The following AOX1 variants were observed in gnomAD, a reference collection of about 807,000 sequenced individuals.
The protein encoded by AOX1 is aldehyde oxidase.
In AOX1, 153 loss-of-function variants were observed where a neutral mutation model predicts 169.5. The ratio of observed to expected loss-of-function variants is 0.90; its 90% CI spans 0.79 to 1.03. The LOEUF is 1.03. Ranked by LOEUF, AOX1 falls within the 50% of genes least tolerant of loss-of-function variation. The pLI, the probability that AOX1 is intolerant of heterozygous loss-of-function variation, is 0.00. For missense variants in AOX1, 1,656 were observed against 1,663.9 expected, an observed-to-expected ratio of 1.00 and a Z score of 0.08; for synonymous variants, 562 against 581.9, an observed-to-expected ratio of 0.97 and a Z score of 0.49.
chr2:200,633,488 C>A (rs1306858576), intron 20 of AOX1, among the ~76,000 whole-genome samples: 1 of 151,926 alleles, frequency 6.6e-6, no homozygotes, highest in Non-Finnish European at 1.5e-5. Context: ...TGTTGCTGAG[C>A]CCATCCCTTG....
downstream of AOX1, among the ~76,000 whole-genome samples, chr2:200,674,075 A>G (rs192071851): frequency 4.6e-5 from 7 of 152,366 alleles, no homozygotes; most frequent in African/African-American, 1.7e-4. Context: ...GGGAGGAACA[A>G]GCCAGCAGCA....
At chr2:200,609,831 G>C (rs576880546) in intron 12 of AOX1, among the ~76,000 whole-genome samples, 8 of 152,230 alleles carry the variant, frequency 5.3e-5, no homozygotes, top group Admixed American at 1.3e-4. Context: ...GAAACATACA[G>C]GTCTTTTTCA....
At chr2:200,595,443 A>G in intron 3 of AOX1, 75 bp downstream of exon 3, 1 of 1,056,360 alleles carries the variant, frequency 9.5e-7, no homozygotes, top group Non-Finnish European at 1.4e-6. Context: ...CATTTGGTAA[A>G]TATATATTGA....
At chr2:200,659,825 C>CAT (rs1196876810) in intron 28 of AOX1, among the ~76,000 whole-genome samples, 170 bp from the exon 29 acceptor site, 1 of 146,926 alleles carries the variant, frequency 6.8e-6, no homozygotes, top group Non-Finnish European at 1.5e-5. Flanking sequence ...CACACACACA[C>CAT]GTGCACACAC....
rs2034083038 is a variant in AOX1, at chr2:200,588,404, C to CTTA, written c.45+2251_45+2252insTTA. On this transcript the variant is annotated intron_variant, in intron 1 of 34. Coordinates refer to ENST00000374700, the MANE Select transcript of AOX1 (RefSeq NM_001159.4). The stretch of plus-strand genomic sequence containing the variant: ...GAAGAAACAGGGATTGTGAGTCTAA[C>CTTA]ATCTCCTCGCTTCTCCTTCCCCCAC... The CTTA allele has an allele frequency of 2.6e-5, 4 of 152,360 alleles. No homozygotes were observed. In the South Asian group the frequency reaches 8.3e-4, roughly 32 times the overall value. 9.4% of individuals were successfully genotyped at this position (152,360 alleles called of 1,614,324 possible).
At chr2:200,610,743 A>G (rs893564002) in intron 12 of AOX1, among the ~76,000 whole-genome samples, 16 of 152,162 alleles carry the variant, frequency 1.1e-4, no homozygotes, top group Non-Finnish European at 1.0e-4. Context: ...CCTACTTGTA[A>G]AGTTTTAAGT....
downstream of AOX1, among the ~76,000 whole-genome samples, chr2:200,677,732 C>T (rs773894489): frequency 1.3e-5 from 2 of 152,198 alleles, no homozygotes; most frequent in African/African-American, 2.4e-5. Context: ...TTAGCTAAGG[C>T]ATCATCTATG....
At chr2:200,599,433 C>G (rs2034355814) in intron 4 of AOX1, among the ~76,000 whole-genome samples, 187 bp from the exon 5 acceptor site, 1 of 152,158 alleles carries the variant, frequency 6.6e-6, no homozygotes, top group Non-Finnish European at 1.5e-5. Context: ...GCAGATAAGG[C>G]CCAACCTCAC....
At chr2:200,669,416 T>G (rs900645518) in intron 33 of AOX1, among the ~76,000 whole-genome samples, 159 bp from the exon 34 acceptor site, 1 of 151,510 alleles carries the variant, frequency 6.6e-6, no homozygotes. Context: ...TACACTCCAG[T>G]GTCATGCTTG....
chr2:200,601,370 T>A (rs1291702865), intron 5 of AOX1, among the ~76,000 whole-genome samples: 1 of 152,106 alleles, frequency 6.6e-6, no homozygotes, highest in Non-Finnish European at 1.5e-5. Context: ...AAGGAGTAAG[T>A]CCTAGAGATA....
chr2:200,598,480 C>T (rs1348095487), intron 4 of AOX1, among the ~76,000 whole-genome samples: 1 of 152,070 alleles, frequency 6.6e-6, no homozygotes, highest in Non-Finnish European at 1.5e-5. Context: ...CGTGGTAGCT[C>T]ATACCTATAA....
chr2:200,671,354 A>G lies in AOX1; in HGVS notation c.*675A>G, dbSNP rs1188699331. On this transcript the variant is annotated 3_prime_UTR_variant, in exon 35 of 35. Transcript: ENST00000374700. ...AAAGGCAAGTAATTTAAAAATAGGC[A>G]AAAGAATTGCTGGATGGTATGGTAG... is the stretch of plus-strand genomic sequence containing the variant. 1 of 152,214 alleles carries G rather than the reference A, an allele frequency of 6.6e-6. No individual in the cohort carries two copies. The highest frequency in any genetic ancestry group is 6.5e-5 in the Admixed American group (1 of 15,282). The allele number at this position is 152,214 out of a possible 1,614,324, so 9.4% of individuals were successfully genotyped here.
intron 16 of AOX1, among the ~76,000 whole-genome samples, chr2:200,620,198 A>AGTTTTTTTTTTTTTTT (rs370920216): frequency 8.3e-6 from 1 of 120,912 alleles, no homozygotes; most frequent in Non-Finnish European, 1.7e-5. Context: ...ATTAATAGTG[A>AGTTTTTTTTTTTTTTT]CTTTTTTTTT....
intron 17 of AOX1, 116 bp from the exon 18 acceptor site, chr2:200,621,004 A>AT: frequency 7.2e-7 from 1 of 1,392,868 alleles, no homozygotes; most frequent in South Asian, 1.4e-5. Context: ...TTTTTTCCCA[A>AT]TTGTCTGGCA....
At chr2:200,619,428 G>A (rs2105720192) in intron 16 of AOX1, among the ~76,000 whole-genome samples, 1 of 152,284 alleles carries the variant, frequency 6.6e-6, no homozygotes, top group East Asian at 1.9e-4. Context: ...CCAGTACCGA[G>A]TGCAATGTTG....
downstream of AOX1, among the ~76,000 whole-genome samples, chr2:200,676,294 T>C (rs557119774): frequency 6.6e-6 from 1 of 152,224 alleles, no homozygotes; most frequent in African/African-American, 2.4e-5. Flanking sequence ...AGCTTCGTGT[T>C]GCTGCTTTAA....
chr2:200,587,732 T>A (rs903867891), intron 1 of AOX1, among the ~76,000 whole-genome samples: 1 of 152,226 alleles, frequency 6.6e-6, no homozygotes, highest in African/African-American at 2.4e-5. Context: ...ATGTCATTTT[T>A]TTCTTCTTTT....
chr2:200,592,802 C>T (rs569297208), intron 1 of AOX1, among the ~76,000 whole-genome samples: 2 of 152,270 alleles, frequency 1.3e-5, no homozygotes, highest in South Asian at 4.1e-4. Context: ...TCATCCACTC[C>T]TCCCCCAAGT....
chr2:200,668,110 AT>A (rs201768945), intron 32 of AOX1, among the ~76,000 whole-genome samples: 15,322 of 140,852 alleles, frequency 0.11, 1,009 homozygotes, highest in African/African-American at 0.21. Flanking sequence ...TATTATTATT[AT>A]TTTTTTTTTT....
Sources: gnomAD v4.1 joint callset for allele counts (sites outside exome capture counted in the v4.1 genomes callset) on GRCh38, gnomAD v4.1.1 for gene constraint, MANE v1.5 for transcripts, NCBI Gene and HGNC (gene_info 2026-07-23, HGNC 2026-07-21) for gene names.